Variants in ERI3 observed in about 807,000 individuals in gnomAD.
ERI3 encodes ERI1 exoribonuclease 3.
A neutral mutation model predicts 44.4 loss-of-function variants in ERI3; 18 were observed. The ratio of observed to expected loss-of-function variants is 0.41; its 90% confidence interval spans 0.28 to 0.60. The LOEUF (loss-of-function observed/expected upper bound fraction) is 0.60. ERI3 is among the 20% of genes least tolerant of loss of function. The pLI is 0.36. For missense variants in ERI3, 294 were observed against 435.5 expected, an observed-to-expected ratio of 0.68 and a Z score of 2.89; for synonymous variants, 183 against 164.8, an observed-to-expected ratio of 1.11 and a Z score of -0.84.
intron 6 of ERI3, among the ~76,000 whole-genome samples, chr1:44,297,440 G>A (rs1645633540): frequency 1.3e-5 from 2 of 151,802 alleles, no homozygotes; most frequent in South Asian, 4.1e-4. Context: ...TTAGGAACCC[G>A]ACCAAAGAAA....
intron 5 of ERI3, among the ~76,000 whole-genome samples, chr1:44,309,122 T>C (rs760886320): frequency 2.6e-5 from 4 of 152,244 alleles, no homozygotes; most frequent in Non-Finnish European, 4.4e-5. Flanking sequence ...TTTCTTTCCC[T>C]TCATCCCTTT....
intron 7 of ERI3, among the ~76,000 whole-genome samples, chr1:44,261,048 A>G (rs1644882807): frequency 6.6e-6 from 1 of 152,230 alleles, no homozygotes; most frequent in African/African-American, 2.4e-5. Flanking sequence ...AGGTCCTAGA[A>G]GCAGGCAGGT....
At chr1:44,281,398 G>T (rs1043489263) in intron 7 of ERI3, among the ~76,000 whole-genome samples, 37 of 151,548 alleles carry the variant, frequency 2.4e-4, no homozygotes, top group Non-Finnish European at 3.4e-4. Context: ...GACCAGCCTG[G>T]GCAACATGGC....
intron 7 of ERI3, among the ~76,000 whole-genome samples, chr1:44,283,616 T>C (rs550495947): frequency 6.6e-6 from 1 of 152,276 alleles, no homozygotes; most frequent in African/African-American, 2.4e-5. Context: ...CCCAGTTTCA[T>C]GGGAGATCAG....
At chr1:44,238,163 G>A (rs1225629525) in intron 8 of ERI3, among the ~76,000 whole-genome samples, 2 of 152,092 alleles carry the variant, frequency 1.3e-5, no homozygotes, top group African/African-American at 2.4e-5. Context: ...ATCCAGCTGA[G>A]GAGCCATCAT....
At chr1:44,314,484 T>A (rs543536877) in intron 4 of ERI3, among the ~76,000 whole-genome samples, 1 of 152,190 alleles carries the variant, frequency 6.6e-6, no homozygotes, top group Admixed American at 6.5e-5. Context: ...CTTCCCATGG[T>A]CTAAAAGGAA....
At chr1:44,293,006 G>A (rs1645540040) in intron 6 of ERI3, among the ~76,000 whole-genome samples, 1 of 152,246 alleles carries the variant, frequency 6.6e-6, no homozygotes, top group African/African-American at 2.4e-5. Context: ...AGCCGACAGC[G>A]AGCGCCTCTG....
intron 3 of ERI3, among the ~76,000 whole-genome samples, chr1:44,330,566 G>A (rs1646407151): frequency 6.6e-6 from 1 of 152,178 alleles, no homozygotes; most frequent in Non-Finnish European, 1.5e-5. Context: ...TCCGTGGCAG[G>A]AGCATCAATA....
chr1:44,292,664 C>T (rs868137844), intron 6 of ERI3, among the ~76,000 whole-genome samples: 1 of 152,216 alleles, frequency 6.6e-6, no homozygotes, highest in African/African-American at 2.4e-5. Context: ...ACGTGCGGTC[C>T]CTCCATTCTC....
chr1:44,259,263 A>AGCTG (rs1644838578), intron 7 of ERI3, among the ~76,000 whole-genome samples: 1 of 151,854 alleles, frequency 6.6e-6, no homozygotes, highest in Non-Finnish European at 1.5e-5. Flanking sequence ...GGTAAGTAGA[A>AGCTG]GCTGGCTGGC....
intron 4 of ERI3, among the ~76,000 whole-genome samples, chr1:44,314,984 A>G (rs1646056752): frequency 6.6e-6 from 1 of 152,182 alleles, no homozygotes; most frequent in African/African-American, 2.4e-5. Context: ...GAGGAGGCTT[A>G]TTACCAACCC....
At chr1:44,328,030 C>G (rs530809389) in intron 3 of ERI3, among the ~76,000 whole-genome samples, 1 of 152,282 alleles carries the variant, frequency 6.6e-6, no homozygotes, top group Non-Finnish European at 1.5e-5. Context: ...GCTCAATAAT[C>G]CCCATCCATA....
At chr1:44,280,841 T>C (rs1018288793) in intron 7 of ERI3, among the ~76,000 whole-genome samples, 1 of 152,210 alleles carries the variant, frequency 6.6e-6, no homozygotes, top group African/African-American at 2.4e-5. Flanking sequence ...CTGACTTCCT[T>C]CTAGCCTCAT....
chr1:44,238,464 C>A (rs1038146331), intron 8 of ERI3, among the ~76,000 whole-genome samples: 2 of 152,130 alleles, frequency 1.3e-5, no homozygotes, highest in African/African-American at 4.8e-5. Flanking sequence ...AAACCAATCA[C>A]CGGCTCCTTT....
At chr1:44,326,608 G>A (rs976066271) in intron 3 of ERI3, among the ~76,000 whole-genome samples, 1 of 152,120 alleles carries the variant, frequency 6.6e-6, no homozygotes, top group Non-Finnish European at 1.5e-5. Flanking sequence ...CGATTTGTCC[G>A]GACTTGTTTG....
chr1:44,231,822 T>C lies in ERI3; in HGVS notation c.932-10182A>G, dbSNP rs1644190951. Among the ~76,000 whole-genome samples, 2 of 152,196 alleles carry C rather than the reference T, an allele frequency of 1.3e-5. 1 individual carries two copies. Among genetic ancestry groups the C allele is most frequent in the South Asian group, 4.1e-4 (2 of 4,836 alleles). ...GGCATGTGTTCTGGCTACTGAGACA[T>C]GAGGGTAAGTTTGCTGAAAGGCCTT... On this transcript the variant is annotated intron_variant, in intron 8 of 8. Coordinates refer to ENST00000372257, the MANE Select transcript of ERI3 (RefSeq NM_024066.3).
At chr1:44,312,374 G>A (rs910868105) in intron 5 of ERI3, among the ~76,000 whole-genome samples, 1 of 152,118 alleles carries the variant, frequency 6.6e-6, no homozygotes, top group Non-Finnish European at 1.5e-5. Flanking sequence ...TATAGAGAAA[G>A]ACATGGGAGG....
At chr1:44,287,333 AG>A (rs1645414398) in intron 6 of ERI3, among the ~76,000 whole-genome samples, 1 of 152,270 alleles carries the variant, frequency 6.6e-6, no homozygotes, top group African/African-American at 2.4e-5. Context: ...ACAAGAATCC[AG>A]TTGAGATGAC....
intron 3 of ERI3, among the ~76,000 whole-genome samples, chr1:44,320,300 G>A (rs972473015): frequency 6.6e-6 from 1 of 152,182 alleles, no homozygotes; most frequent in Non-Finnish European, 1.5e-5. Flanking sequence ...AGGAGCTAGC[G>A]CCTCCCACCT....
Sources: gnomAD v4.1 joint callset for allele counts (sites outside exome capture counted in the v4.1 genomes callset) on GRCh38, gnomAD v4.1.1 for gene constraint, MANE v1.5 for transcripts, NCBI Gene and HGNC (gene_info 2026-07-23, HGNC 2026-07-21) for gene names.